URB1: variants seen among roughly 807,000 people sequenced by gnomAD.
URB1 encodes URB1 ribosome biogenesis factor.
URB1 carries 197 observed loss-of-function variants against 242.3 expected under a neutral mutation model. The ratio of observed to expected loss-of-function variants is 0.81; its 90% CI spans 0.72 to 0.91. The LOEUF is 0.91. Ranked by LOEUF, URB1 falls within the 40% of genes least tolerant of loss-of-function variation. The pLI is 0.00. For missense variants in URB1, 2,721 were observed against 2,860.5 expected (o/e 0.95, Z 1.11); for synonymous variants, 1,153 against 1,201.8 (o/e 0.96, Z 0.84).
chr21:32,347,015 G>A lies in URB1; in HGVS notation c.3809C>T (p.Pro1270Leu). 1.9e-6 allele frequency: 3 copies of A among 1,547,270 alleles called. No homozygotes were observed. Among genetic ancestry groups the A allele is most frequent in the Non-Finnish European group, 2.6e-6 (3 of 1,143,904 alleles). The change falls in exon 22 of 39, where the codon CCC becomes CTC. Residue 1270 changes from proline (P) to leucine (L), a missense_variant. Physicochemically the swap from Pro to Leu is moderately conservative, Grantham distance 98. Transcript: ENST00000382751. Reference protein sequence around the residue: ...GLQGDLDDFLPLIHVYLQCRT... With the variant: ...GLQGDLDDFLLLIHVYLQCRT... Reference sequence around the variant, plus strand: ...GCACTGGAGGTACACATGGATGAGGGGAAGGAAGTCGTCCAGGTCCCCCTG... The same window carrying A: ...GCACTGGAGGTACACATGGATGAGGAGAAGGAAGTCGTCCAGGTCCCCCTG...
rs181258194 is a variant in URB1 at position 32,391,961 on chromosome 21, C to G, written c.142+808G>C. On this transcript the variant is annotated intron_variant, in intron 1 of 38. Transcript: ENST00000382751. ...ACAGCTTAAGCCCAGAAGTTCAAGG[C>G]TGCAGTGAGCTATGATAGTGCCACT... 9.0e-3 allele frequency among the ~76,000 whole-genome samples: 1,361 copies of G among 151,964 alleles called. 13 individuals carry two copies. Among genetic ancestry groups the G allele is most frequent in the Middle Eastern group, 0.051 (15 of 294 alleles).
intron 26 of URB1, 122 bp from the exon 27 acceptor site, chr21:32,337,636 G>T: frequency 3.0e-6 from 2 of 677,632 alleles, no homozygotes; most frequent in Non-Finnish European, 5.0e-6. Flanking sequence ...AATAATACTG[G>T]TGTTTGGACT....
intron 19 of URB1, among the ~76,000 whole-genome samples, chr21:32,352,106 A>T (rs1283042385): frequency 6.6e-6 from 1 of 152,220 alleles, no homozygotes; most frequent in Non-Finnish European, 1.5e-5. Flanking sequence ...AGGAGGGTCT[A>T]AACTGACTGC....
Position 32,352,919 on chromosome 21 carries a change from G to A in URB1, c.2417-13C>T, listed in dbSNP as rs745441748. ...ACAACGTTTTCCGCTGCAAAGGAAC[G>A]AGATGCATATGGGAAGAGGCTGGCT... On this transcript the variant is annotated splice_polypyrimidine_tract_variant and intron_variant, in intron 18 of 38. Coordinates refer to ENST00000382751, the MANE Select transcript of URB1 (RefSeq NM_014825.3). 5.7e-5 allele frequency: 88 copies of A among 1,531,548 alleles called. No individual in the cohort carries two copies. The highest frequency in any genetic ancestry group is 2.5e-4 in the East Asian group (10 of 40,766). 94.9% of individuals were successfully genotyped at this position (1,531,548 alleles called of 1,614,324 possible). A position where few individuals can be genotyped will look rare whatever the true frequency, so the allele number is the denominator to read the frequency against.
At chr21:32,384,801 G>A (rs1416017143) in intron 2 of URB1, among the ~76,000 whole-genome samples, 1 of 152,084 alleles carries the variant, frequency 6.6e-6, no homozygotes, top group Non-Finnish European at 1.5e-5. Context: ...CTAACACGGT[G>A]AAACCCCGTC....
intron 35 of URB1, among the ~76,000 whole-genome samples, chr21:32,319,864 G>T (rs2032743518): frequency 6.6e-6 from 1 of 152,218 alleles, no homozygotes; most frequent in African/African-American, 2.4e-5. Flanking sequence ...AGAAATTTCA[G>T]GAAATGCTTT....
At position 32,354,868 on chromosome 21, in the gene URB1, G is replaced by A. The variant is rs2033201090; in HGVS notation, c.2236C>T (p.His746Tyr). 6.4e-7 allele frequency: 1 copy of A among 1,552,314 alleles called. No individual in the cohort carries two copies. The highest frequency in any genetic ancestry group is 8.7e-7 in the Non-Finnish European group (1 of 1,147,110). The change falls in exon 17 of 39, where the codon CAC (histidine) becomes TAC (tyrosine). Residue 746 changes from histidine (H) to tyrosine (Y), a missense_variant. Transcript: ENST00000382751. The part of the protein sequence containing the change: ...EADDMSIPIS[H>Y]IDDVLDMVDV... ...ACAGAATGGAACATACCGTCAATGT[G>A]GGAGATGGGAATGCTCATGTCATCG... is the stretch of plus-strand genomic sequence containing the variant.
chr21:32,374,008 C>T (rs1051597026), intron 6 of URB1, among the ~76,000 whole-genome samples: 2 of 152,138 alleles, frequency 1.3e-5, no homozygotes, highest in African/African-American at 4.8e-5. Context: ...CCACCCACAC[C>T]CACACAATAT....
chr21:32,347,176 A>C lies in URB1; in HGVS notation c.3648T>G (p.Ala1216=). ...GGGCCAGGCAGTAGTCAAGCAGATCAGCCCCGACTGCGGGGGCCAGCACAG... is the reference window on the plus strand; with the variant it reads ...GGGCCAGGCAGTAGTCAAGCAGATCCGCCCCGACTGCGGGGGCCAGCACAG... The part of the protein sequence containing the change: ...RDPVLAPAVG[A]DLLDYCLARR... The change falls in exon 22 of 39, where the codon GCT becomes GCG. Residue 1216 remains alanine, a synonymous_variant. Transcript: ENST00000382751. 1.3e-6 allele frequency: 2 copies of C among 1,549,504 alleles called. No homozygotes were observed. The highest frequency in any genetic ancestry group is 8.7e-7 in the Non-Finnish European group (1 of 1,146,484).
intron 5 of URB1, chr21:32,377,094 C>T (rs2033467564): frequency 2.0e-6 from 1 of 488,686 alleles, no homozygotes; most frequent in Non-Finnish European, 4.0e-6. Flanking sequence ...AAAACCTCTA[C>T]TCACATCTTT....
chr21:32,390,329 G>C (rs890827063), intron 1 of URB1, among the ~76,000 whole-genome samples: 1 of 152,186 alleles, frequency 6.6e-6, no homozygotes, highest in African/African-American at 2.4e-5. Context: ...TCCTGTCCCT[G>C]TCCCATCCTA....
At chr21:32,369,978 A>G (rs2033389243) in intron 8 of URB1, among the ~76,000 whole-genome samples, 1 of 110,644 alleles carries the variant, frequency 9.0e-6, no homozygotes, top group South Asian at 2.4e-4. Context: ...TCCATCTCAA[A>G]AAAAAAAAAA....
intron 6 of URB1, 65 bp from the exon 7 acceptor site, chr21:32,373,837 T>C (rs2123613425): frequency 2.9e-6 from 4 of 1,367,856 alleles, no homozygotes; most frequent in Middle Eastern, 3.9e-4. Context: ...AATTCAATTA[T>C]TTTTTAAATG....
chr21:32,359,112 C>T (rs1183827558), intron 14 of URB1, among the ~76,000 whole-genome samples: 3 of 152,236 alleles, frequency 2.0e-5, no homozygotes, highest in African/African-American at 7.2e-5. Flanking sequence ...TGCCAACATA[C>T]ATTTCCATAC....
At position 32,312,417 on chromosome 21, in the gene URB1, C is replaced by A; in HGVS notation, c.*2501G>T. The A allele has an allele frequency of 2.3e-6, 2 of 854,500 alleles. No homozygotes were observed. Among genetic ancestry groups the A allele is most frequent in the East Asian group, 6.8e-5 (1 of 14,716 alleles). The allele number at this position is 854,500 out of a possible 1,614,324, so 52.9% of individuals were successfully genotyped here. A position where few individuals can be genotyped will look rare whatever the true frequency, so the allele number is the denominator to read the frequency against. On this transcript the variant is annotated 3_prime_UTR_variant, in exon 39 of 39. Transcript: ENST00000382751. ...TGGGTAAGTTCCCATCCAAGCTCCA[C>A]TAACACCCGCCGGCTCCCCCAGATG...
In URB1 at chr21:32,312,412, C is replaced by A; in HGVS notation, c.*2506G>T. The A allele has an allele frequency of 1.1e-6, 1 of 911,786 alleles. No individual in the cohort carries two copies. 56.5% of individuals were successfully genotyped at this position (911,786 alleles called of 1,614,324 possible). On this transcript the variant is annotated 3_prime_UTR_variant, in exon 39 of 39. Transcript: ENST00000382751. ...GATGCTGGGTAAGTTCCCATCCAAG[C>A]TCCACTAACACCCGCCGGCTCCCCC...
rs1031627778 is a variant in URB1, at chr21:32,315,020, G to T, written c.6714C>A (p.His2238Gln). The change falls in exon 39 of 39, where the codon CAC becomes CAA. Residue 2238 changes from histidine to glutamine, a missense_variant. By Grantham distance (24) the His-to-Gln change is conservative. Coordinates refer to ENST00000382751, the MANE Select transcript of URB1 (RefSeq NM_014825.3). ...CTGCGGCCTCACACACCATCCGGAC[G>T]TGGGTTAAGAGGGTGTCCGGCCGCT... ...GAQRPDTLLTHVRMVCEAADD... is the reference protein window; with the variant it reads ...GAQRPDTLLTQVRMVCEAADD... The T allele has an allele frequency of 3.9e-6, 6 of 1,551,534 alleles. No homozygotes were observed. In the African/African-American group the frequency reaches 8.2e-5, roughly 21 times the overall value.
Position 32,314,941 on chromosome 21 carries a change from C to T in URB1, c.6793G>A (p.Ala2265Thr), listed in dbSNP as rs867061792. 3.0e-5 allele frequency: 47 copies of T among 1,551,070 alleles called. No homozygotes were observed. In the African/African-American group the frequency reaches 4.2e-4, roughly 14 times the overall value. Residue 2265 changes from alanine (A) to threonine (T), a missense_variant, in exon 39 of 39, where the codon GCC becomes ACC. Ala to Thr is a moderately conservative substitution (Grantham distance 58, BLOSUM62 0). Transcript: ENST00000382751. Reference sequence around the variant, plus strand: ...AGTCAAGCATCTGAGGCTGCGCTGGCGGCGTCCTTGCAGAGCACCACGATG... The same window carrying T: ...AGTCAAGCATCTGAGGCTGCGCTGGTGGCGTCCTTGCAGAGCACCACGATG... ...EAIVVLCKDA[A>T]SAASDA
chr21:32,359,424 A>G (rs991954340), intron 14 of URB1, among the ~76,000 whole-genome samples: 4 of 152,246 alleles, frequency 2.6e-5, no homozygotes, highest in Non-Finnish European at 5.9e-5. Flanking sequence ...TTGGTTATCT[A>G]TTCTCATCTC....
Sources: gnomAD v4.1 joint callset for allele counts (sites outside exome capture counted in the v4.1 genomes callset) on GRCh38, gnomAD v4.1.1 for gene constraint, MANE v1.5 for transcripts, NCBI Gene and HGNC (gene_info 2026-07-23, HGNC 2026-07-21) for gene names.